RAP1GAP2: variants seen among roughly 807,000 people sequenced by gnomAD.
RAP1GAP2 encodes RAP1 GTPase activating protein 2, also known as rap1 GTPase-activating protein 2.
A neutral mutation model predicts 95.0 loss-of-function variants in RAP1GAP2; 27 were observed. That is an observed-to-expected ratio of 0.28 (90% CI 0.21 to 0.39). RAP1GAP2 has a LOEUF of 0.39. Among genes scored for constraint, RAP1GAP2 ranks in the 10% least tolerant of loss-of-function variants. The pLI, the probability that RAP1GAP2 is intolerant of heterozygous loss-of-function variation, is 1.00. For missense variants in RAP1GAP2, 771 were observed against 970.0 expected (o/e 0.79, Z 2.72); for synonymous variants, 373 against 380.9 (o/e 0.98, Z 0.24).
chr17:2,930,895 G>A (rs1047889645), intron 3 of RAP1GAP2, among the ~76,000 whole-genome samples: 2 of 152,068 alleles, frequency 1.3e-5, no homozygotes, highest in African/African-American at 2.4e-5. Flanking sequence ...AGGCCGAGGC[G>A]GGCAGATCAC....
At chr17:2,836,933 A>G (rs2071155837) in intron 2 of RAP1GAP2, among the ~76,000 whole-genome samples, 1 of 152,120 alleles carries the variant, frequency 6.6e-6, no homozygotes, top group Middle Eastern at 3.4e-3. Context: ...TCCTGAAGCA[A>G]TCGTAGTGGA....
chr17:2,805,856 A>G (rs2069494634), intron 2 of RAP1GAP2, among the ~76,000 whole-genome samples: 1 of 152,122 alleles, frequency 6.6e-6, no homozygotes, highest in Admixed American at 6.6e-5. Flanking sequence ...TGGAGTGAGC[A>G]CGTGAATGGT....
chr17:2,948,403 G>T (rs1018113808), intron 3 of RAP1GAP2, among the ~76,000 whole-genome samples: 1 of 152,252 alleles, frequency 6.6e-6, no homozygotes. Context: ...GAGGAGAGAG[G>T]CAAGAGTGTT....
At chr17:2,805,569 CA>C (rs2069479657) in intron 2 of RAP1GAP2, among the ~76,000 whole-genome samples, 1 of 151,892 alleles carries the variant, frequency 6.6e-6, no homozygotes, top group East Asian at 1.9e-4. Context: ...ATGGGGGTTT[CA>C]CCATGTTGGC....
chr17:2,880,366 C>T (rs1213883928), intron 2 of RAP1GAP2, among the ~76,000 whole-genome samples: 4 of 149,758 alleles, frequency 2.7e-5, no homozygotes, highest in South Asian at 2.1e-4. Flanking sequence ...CAAGGGGGTG[C>T]GGAGAGTTGG....
chr17:2,788,964 A>G lies in RAP1GAP2; in HGVS notation c.-13-11551A>G, dbSNP rs1206910329. 2.0e-5 allele frequency among the ~76,000 whole-genome samples: 3 copies of G among 152,358 alleles called. No individual in the cohort carries two copies. In the East Asian group the frequency reaches 5.8e-4, roughly 29 times the overall value. On this transcript the variant is annotated intron_variant, in intron 1 of 24. Coordinates refer to the RAP1GAP2 transcript ENST00000540393. ...CAGCTATGGAGATATCCCCTAGCCCAGTCAAATTGACACATAAATTTAACC... is the reference window on the plus strand; with the variant it reads ...CAGCTATGGAGATATCCCCTAGCCCGGTCAAATTGACACATAAATTTAACC...
chr17:2,843,731 G>A (rs902494719), intron 2 of RAP1GAP2, among the ~76,000 whole-genome samples: 2 of 152,174 alleles, frequency 1.3e-5, no homozygotes, highest in African/African-American at 2.4e-5. Context: ...CCTTCCCAGA[G>A]TCATGCTGAG....
chr17:2,921,655 C>T (rs1473798362), intron 3 of RAP1GAP2, among the ~76,000 whole-genome samples: 3 of 150,002 alleles, frequency 2.0e-5, no homozygotes, highest in Non-Finnish European at 1.5e-5. Context: ...GTTATGTGTC[C>T]TCAGGGCCGT....
intron 2 of RAP1GAP2, among the ~76,000 whole-genome samples, chr17:2,892,598 T>G (rs1297552656): frequency 1.3e-5 from 2 of 152,154 alleles, no homozygotes; most frequent in African/African-American, 4.8e-5. Flanking sequence ...TTGGAGCATC[T>G]GGGCATCTCT....
chr17:2,820,185 A>G (rs892827659), intron 2 of RAP1GAP2, among the ~76,000 whole-genome samples: 4 of 151,672 alleles, frequency 2.6e-5, no homozygotes, highest in African/African-American at 9.7e-5. Context: ...GGTCGTTTCC[A>G]TTTTCTGATA....
chr17:2,916,226 A>G (rs1597599902), intron 3 of RAP1GAP2, among the ~76,000 whole-genome samples: 1 of 152,094 alleles, frequency 6.6e-6, no homozygotes, highest in African/African-American at 2.4e-5. Context: ...TGTCTCTCCA[A>G]CCATGGTGTT....
At chr17:2,790,951 T>C (rs1464841017) in intron 1 of RAP1GAP2, among the ~76,000 whole-genome samples, 1 of 152,202 alleles carries the variant, frequency 6.6e-6, no homozygotes, top group Admixed American at 6.5e-5. Context: ...ACGCCTGTAA[T>C]CCCAGCACTT....
At chr17:2,757,789 G>C (rs1272304451) in intron 1 of RAP1GAP2, among the ~76,000 whole-genome samples, 1 of 152,112 alleles carries the variant, frequency 6.6e-6, no homozygotes, top group African/African-American at 2.4e-5. Context: ...GAGCTTGGAT[G>C]CCTGTTTTGA....
chr17:2,922,820 C>CTT (rs1567782104), intron 3 of RAP1GAP2, among the ~76,000 whole-genome samples: 1 of 129,098 alleles, frequency 7.7e-6, no homozygotes, highest in African/African-American at 3.2e-5. Context: ...CCAGTATTTT[C>CTT]TTTTTGTTTT....
At chr17:2,954,127 T>C (rs1383008145) in intron 3 of RAP1GAP2, among the ~76,000 whole-genome samples, 1 of 152,172 alleles carries the variant, frequency 6.6e-6, no homozygotes, top group Non-Finnish European at 1.5e-5. Flanking sequence ...TTTTTTGAGA[T>C]GGAGTCTCAC....
rs537541263 is a variant in RAP1GAP2, at chr17:3,004,710, G to A, written c.1201-659G>A. Among the ~76,000 whole-genome samples, 1 of 152,364 alleles carries A rather than the reference G, an allele frequency of 6.6e-6. No individual in the cohort carries two copies. The highest frequency in any genetic ancestry group is 2.4e-5 in the African/African-American group (1 of 41,596). On this transcript the variant is annotated intron_variant, in intron 14 of 24. Transcript: ENST00000254695. This position sits in a 1 kb window ranked among gnomAD's most constrained non-coding sequence, Gnocchi z 4.1. ...CTAGGACTGGCTGACCCCGTGTGTG[G>A]GGCCAGGGCTCCCGAACACGGGTCC...
chr17:2,798,132 GTTC>G (rs1327743105), intron 1 of RAP1GAP2, among the ~76,000 whole-genome samples: 9 of 152,200 alleles, frequency 5.9e-5, no homozygotes, highest in Non-Finnish European at 1.3e-4. Context: ...AGAATTCCAA[GTTC>G]TTCTCTAGCA....
chr17:2,989,810 A>G (rs2045691889), intron 11 of RAP1GAP2, among the ~76,000 whole-genome samples: 1 of 151,446 alleles, frequency 6.6e-6, no homozygotes, highest in African/African-American at 2.4e-5. Context: ...TTTGTAGTGT[A>G]ACCACAGAAT....
chr17:2,993,361 C>T (rs543849133), intron 12 of RAP1GAP2, among the ~76,000 whole-genome samples: 2 of 151,878 alleles, frequency 1.3e-5, no homozygotes, highest in East Asian at 3.9e-4. Context: ...ATCACGAGGT[C>T]AGGAGATTGA....
Sources: allele counts gnomAD v4.1 joint callset (sites outside exome capture counted in the v4.1 genomes callset), GRCh38; gene constraint gnomAD v4.1.1; non-coding constraint Gnocchi (gnomAD v3.1); transcripts MANE v1.5; gene names NCBI Gene and HGNC (gene_info 2026-07-23, HGNC 2026-07-21).